The following RGS7 variants were observed in gnomAD, a reference collection of about 807,000 sequenced individuals.
The protein encoded by RGS7 is regulator of G-protein signaling 7.
RGS7 carries 27 observed loss-of-function variants against 81.1 expected under a neutral mutation model. The observed-to-expected ratio is 0.33, with a 90% CI of 0.25 to 0.46. RGS7 has a LOEUF of 0.46. Among genes scored for constraint, RGS7 ranks in the 20% least tolerant of loss-of-function variants. The pLI is 1.00. For missense variants in RGS7, 396 were observed against 607.4 expected (o/e 0.65, Z 3.66); for synonymous variants, 208 against 207.7 (o/e 1.00, Z -0.01).
At chr1:240,853,197 G>T (rs1302556811) in intron 9 of RGS7, among the ~76,000 whole-genome samples, 2 of 152,242 alleles carry the variant, frequency 1.3e-5, no homozygotes, top group East Asian at 1.9e-4. Flanking sequence ...GGAAAATATT[G>T]TCTGTCTTGG....
At chr1:241,263,479 G>A (rs944848382) in intron 2 of RGS7, among the ~76,000 whole-genome samples, 10 of 152,050 alleles carry the variant, frequency 6.6e-5, no homozygotes, top group African/African-American at 1.7e-4. Flanking sequence ...AACAGGGCTC[G>A]TCTCTGGAGC....
Position 240,881,932 on chromosome 1 carries a change from T to TTGA in RGS7, c.386-11814_386-11813insTCA, listed in dbSNP as rs398103888. ...GACTATAAAAATCTTTTTTTTTTTTTGAGAGAGAGTCTTGCTCTGTCACCC... is the reference window on the plus strand; with the variant it reads ...GACTATAAAAATCTTTTTTTTTTTTTTGAGAGAGAGAGTCTTGCTCTGTCACCC... On this transcript the variant is annotated intron_variant, in intron 6 of 18. Coordinates refer to ENST00000440928, the MANE Select transcript of RGS7 (RefSeq NM_001364886.1). 6.3e-4 allele frequency among the ~76,000 whole-genome samples: 96 copies of TTGA among 151,814 alleles called. 3 individuals are homozygous for TTGA. In the East Asian group the frequency reaches 0.016, roughly 25 times the overall value.
chr1:240,932,546 T>C lies in RGS7; in HGVS notation c.334-1778A>G, dbSNP rs1218300053. On this transcript the variant is annotated intron_variant, in intron 5 of 18. Coordinates refer to ENST00000440928, the MANE Select transcript of RGS7 (RefSeq NM_001364886.1). ...TTTTTTGAGACAGGGTCTCACTCTG[T>C]TGCCCAGGCTGGAGTGCAGTGGTGC... is the stretch of plus-strand genomic sequence containing the variant. Among the ~76,000 whole-genome samples, 4 of 145,344 alleles carry C rather than the reference T, an allele frequency of 2.8e-5. No individual in the cohort carries two copies. The East Asian group carries it at 6.2e-4, about 23-fold the overall frequency.
chr1:241,009,866 C>T (rs1337165021), intron 3 of RGS7, among the ~76,000 whole-genome samples: 2 of 152,230 alleles, frequency 1.3e-5, no homozygotes, highest in Non-Finnish European at 2.9e-5. Context: ...TGGGGTAGTA[C>T]CTAGTAAGAC....
intron 2 of RGS7, among the ~76,000 whole-genome samples, chr1:241,107,920 A>G (rs1018089239): frequency 6.6e-6 from 1 of 152,126 alleles, no homozygotes; most frequent in African/African-American, 2.4e-5. Context: ...TGAACGATAC[A>G]TGGATAAAGT....
At position 240,775,560 on chromosome 1, in the gene RGS7, TACAC is replaced by T. The variant is rs1316975591; in HGVS notation, c.*656_*659del. On this transcript the variant is annotated 3_prime_UTR_variant, in exon 19 of 19. Transcript: ENST00000440928. ...GAAAGATAAAACAACAATATAAACA[TACAC>T]AAATTTACAGAGAAGGGATCAACTT... is the stretch of plus-strand genomic sequence containing the variant. 1 of 152,894 alleles carries T rather than the reference TACAC, an allele frequency of 6.5e-6. No individual in the cohort carries two copies. Among genetic ancestry groups the T allele is most frequent in the African/African-American group, 2.4e-5 (1 of 41,458 alleles). 9.5% of individuals were successfully genotyped at this position (152,894 alleles called of 1,614,324 possible).
chr1:240,869,461 G>A (rs1481526835), intron 7 of RGS7, among the ~76,000 whole-genome samples: 1 of 152,210 alleles, frequency 6.6e-6, no homozygotes, highest in East Asian at 1.9e-4. Flanking sequence ...TCTTCACTAT[G>A]TAGGATGTAT....
In RGS7 at chr1:241,210,151, A is replaced by G. The variant is rs1441279877; in HGVS notation, c.79-111389T>C. ...TGACCAGGAATGCAACCATATATAT[A>G]TATATTTTTTCTTTTTGAGATGGAG... On this transcript the variant is annotated intron_variant, in intron 2 of 18. Transcript: ENST00000440928. Among the ~76,000 whole-genome samples, 4 of 151,946 alleles carry G rather than the reference A, an allele frequency of 2.6e-5. No individual in the cohort carries two copies. The East Asian group carries it at 7.8e-4, about 30-fold the overall frequency.
At chr1:241,042,113 A>T (rs1453400382) in intron 3 of RGS7, among the ~76,000 whole-genome samples, 1 of 152,170 alleles carries the variant, frequency 6.6e-6, no homozygotes, top group African/African-American at 2.4e-5. Context: ...CTAAGGAAGA[A>T]GGGGATAATG....
intron 3 of RGS7, among the ~76,000 whole-genome samples, chr1:241,095,864 G>C (rs941718939): frequency 6.6e-6 from 1 of 152,096 alleles, no homozygotes; most frequent in African/African-American, 2.4e-5. Flanking sequence ...TAGAACACTG[G>C]AACTATGTGG....
chr1:241,272,739 T>C (rs1359453894), intron 2 of RGS7, among the ~76,000 whole-genome samples: 1 of 152,200 alleles, frequency 6.6e-6, no homozygotes, highest in East Asian at 1.9e-4. Flanking sequence ...GCCTTTTTCA[T>C]TTTTTCACTC....
chr1:240,986,019 C>T (rs1193763756), intron 3 of RGS7, among the ~76,000 whole-genome samples: 1 of 151,702 alleles, frequency 6.6e-6, no homozygotes, highest in African/African-American at 2.4e-5. Context: ...AAGTTTTTCA[C>T]ATATAATGTA....
chr1:241,130,761 C>G (rs776743116), intron 2 of RGS7, among the ~76,000 whole-genome samples: 60 of 134,430 alleles, frequency 4.5e-4, no homozygotes, highest in Admixed American at 1.2e-3. Flanking sequence ...GCTTTCTTAT[C>G]TGAACCTCTA....
intron 16 of RGS7, among the ~76,000 whole-genome samples, chr1:240,802,142 G>C (rs1688123247): frequency 6.6e-6 from 1 of 152,096 alleles, no homozygotes; most frequent in South Asian, 2.1e-4. Flanking sequence ...AATCTTATTA[G>C]CCTACATGAC....
chr1:240,793,613 T>TATA (rs1558259636), intron 18 of RGS7, among the ~76,000 whole-genome samples: 15 of 88,352 alleles, frequency 1.7e-4, no homozygotes, highest in Middle Eastern at 5.2e-3. Flanking sequence ...ATATATATAT[T>TATA]TTTTTTTTTT....
intron 4 of RGS7, among the ~76,000 whole-genome samples, chr1:240,955,247 T>C (rs896898481): frequency 1.3e-5 from 2 of 151,890 alleles, no homozygotes; most frequent in South Asian, 2.1e-4. Flanking sequence ...GTGGAGTGCA[T>C]ATAAAAGGAA....
chr1:240,888,682 G>A (rs947952364), intron 6 of RGS7, among the ~76,000 whole-genome samples: 1 of 152,050 alleles, frequency 6.6e-6, no homozygotes, highest in Non-Finnish European at 1.5e-5. Context: ...CTGCACAGCC[G>A]CGCGTTGAGA....
chr1:241,229,688 A>G (rs1194666109), intron 2 of RGS7, among the ~76,000 whole-genome samples: 2 of 152,198 alleles, frequency 1.3e-5, no homozygotes, highest in Admixed American at 6.5e-5. Context: ...GGAAATATGC[A>G]TCTTATCAGT....
rs555848727 is a variant in RGS7 at position 240,780,563 on chromosome 1, C to T, written c.*7-4350G>A. ...TATAGTAGAAGACTGGGGAAAGATG[C>T]TGATATAAAACTGTTTCTTTTAAAA... On this transcript the variant is annotated intron_variant, in intron 18 of 18. Coordinates refer to ENST00000440928, the MANE Select transcript of RGS7 (RefSeq NM_001364886.1). 8.1e-4 allele frequency among the ~76,000 whole-genome samples: 123 copies of T among 151,272 alleles called. 1 individual carries two copies. Among genetic ancestry groups the T allele is most frequent in the African/African-American group, 2.8e-3 (116 of 41,242 alleles).
Sources: gnomAD v4.1 joint callset for allele counts (sites outside exome capture counted in the v4.1 genomes callset) on GRCh38, gnomAD v4.1.1 for gene constraint, MANE v1.5 for transcripts, NCBI Gene and HGNC (gene_info 2026-07-23, HGNC 2026-07-21) for gene names.